Variants in PCDHGA1 observed in about 807,000 individuals in gnomAD.
The protein encoded by PCDHGA1 is protocadherin gamma-A1.
Under a neutral mutation model 58.0 loss-of-function variants are expected in PCDHGA1, and 32 were observed. That is an observed-to-expected ratio of 0.55 (90% CI 0.42 to 0.74). The LOEUF (loss-of-function observed/expected upper bound fraction) is 0.74. Among genes scored for constraint, PCDHGA1 ranks in the 30% least tolerant of loss-of-function variants. PCDHGA1 has a pLI of 0.00. For synonymous variants in PCDHGA1, 498 were observed against 501.1 expected (o/e 0.99, Z 0.08); for missense variants, 1,205 against 1,182.3 (o/e 1.02, Z -0.28).
At chr5:141,409,973 G>A in intron 1 of PCDHGA1, 1 of 1,613,380 alleles carries the variant, frequency 6.2e-7, no homozygotes, top group Non-Finnish European at 8.5e-7. Context: ...AGTGACTAAG[G>A]TGGTAGCGGT....
chr5:141,398,586 A>C, intron 1 of PCDHGA1: 1 of 1,614,054 alleles, frequency 6.2e-7, no homozygotes, highest in Admixed American at 1.7e-5. Flanking sequence ...CAAGATTTAT[A>C]CTAGAAGTAG....
rs776176122 is a variant in PCDHGA1, at chr5:141,408,982, T to C, written c.2421+75877T>C. 124 of 1,613,830 alleles carry C rather than the reference T, an allele frequency of 7.7e-5. 1 individual carries two copies. Among genetic ancestry groups the C allele is most frequent in the Admixed American group, 3.7e-4 (22 of 59,994 alleles). ...GTGAAAATCTGCCCCCTGGGTCCCC[T>C]GTGTTGCAAGTGACAGCCACTGACC... On this transcript the variant is annotated intron_variant, in intron 1 of 3. Transcript: ENST00000517417.
At chr5:141,333,237 G>C in intron 1 of PCDHGA1, 132 bp downstream of exon 1, 1 of 1,320,404 alleles carries the variant, frequency 7.6e-7, no homozygotes, top group Non-Finnish European at 1.0e-6. Flanking sequence ...TACAAGTCCT[G>C]CAAAATCACG....
chr5:141,479,939 A>G (rs763454741), intron 1 of PCDHGA1, among the ~76,000 whole-genome samples: 2 of 152,004 alleles, frequency 1.3e-5, no homozygotes, highest in Non-Finnish European at 2.9e-5. Flanking sequence ...ATTGCTATCA[A>G]CTCTTGGATT....
intron 1 of PCDHGA1, chr5:141,355,809 G>A: frequency 6.2e-7 from 1 of 1,613,206 alleles, no homozygotes; most frequent in South Asian, 1.1e-5. Flanking sequence ...TAGATCGCGA[G>A]GAAGAGGCGG....
Position 141,432,289 on chromosome 5 carries a change from C to T in PCDHGA1, c.2422-62518C>T, listed in dbSNP as rs762278053. ...CGTCCTACGTGTCCATCAACTCCGACACTGGGGTACTGTATGCGCTGAGCT... is the reference window on the plus strand; with the variant it reads ...CGTCCTACGTGTCCATCAACTCCGATACTGGGGTACTGTATGCGCTGAGCT... On this transcript the variant is annotated intron_variant, in intron 1 of 3. Coordinates refer to ENST00000517417, the MANE Select transcript of PCDHGA1 (RefSeq NM_018912.3). The surrounding 1 kb of genome is among the most constrained non-coding windows in gnomAD (Gnocchi z 6.0). The T allele has an allele frequency of 6.2e-7, 1 of 1,614,266 alleles. No homozygotes were observed. Among genetic ancestry groups the T allele is most frequent in the Admixed American group, 1.7e-5 (1 of 60,038 alleles).
rs909444391 is a variant in PCDHGA1 at position 141,450,834 on chromosome 5, T to A, written c.2422-43973T>A. On this transcript the variant is annotated intron_variant, in intron 1 of 3. Transcript: ENST00000517417. ...TATTTAATATTATTATTATTATTTT[T>A]TTTTTTTTGAGATGGGGTCTTGCTC... is the stretch of plus-strand genomic sequence containing the variant. 1.2e-3 allele frequency among the ~76,000 whole-genome samples: 172 copies of A among 148,764 alleles called. 3 individuals are homozygous for A. The highest frequency in any genetic ancestry group is 4.1e-3 in the African/African-American group (166 of 40,236).
At chr5:141,439,739 G>A (rs867225156) in intron 1 of PCDHGA1, 4 of 152,312 alleles carry the variant, frequency 2.6e-5, no homozygotes, top group Non-Finnish European at 5.9e-5. Flanking sequence ...GGAACGGAAC[G>A]GATTTACAGG....
chr5:141,415,783 A>G, intron 1 of PCDHGA1: 1 of 1,344,604 alleles, frequency 7.4e-7, no homozygotes, highest in Non-Finnish European at 9.5e-7. Context: ...ACTTTCTGGT[A>G]AAATTCACCT....
intron 1 of PCDHGA1, chr5:141,402,863 A>C: frequency 1.2e-5 from 17 of 1,429,924 alleles, no homozygotes; most frequent in Non-Finnish European, 1.6e-5. Flanking sequence ...TCTAAGGAAA[A>C]GATCACCATA....
intron 1 of PCDHGA1, chr5:141,341,381 G>C (rs762378023): frequency 1.2e-6 from 2 of 1,614,234 alleles, no homozygotes; most frequent in Non-Finnish European, 1.7e-6. Flanking sequence ...AGAAAGAGAA[G>C]AAACGTTTTC....
chr5:141,446,043 A>T (rs1374577548), intron 1 of PCDHGA1, among the ~76,000 whole-genome samples: 2 of 152,226 alleles, frequency 1.3e-5, no homozygotes, highest in Non-Finnish European at 2.9e-5. Flanking sequence ...AAATGGAAGA[A>T]GAGCTGGCTT....
intron 1 of PCDHGA1, chr5:141,418,598 T>G: frequency 6.2e-7 from 1 of 1,614,010 alleles, no homozygotes; most frequent in Non-Finnish European, 8.5e-7. Flanking sequence ...CCAGGACGTG[T>G]ACAGGGTTAG....
rs766387243 is a variant in PCDHGA1 at position 141,489,017 on chromosome 5, TCTC to T, written c.2422-5782_2422-5780del. The stretch of plus-strand genomic sequence containing the variant: ...GGGAGATCTGCTCTTCCAGCCCGCC[TCTC>T]CTCCTCCAGCTCCCCAGCTCCACTC... On this transcript the variant is annotated intron_variant, in intron 1 of 3. Transcript: ENST00000517417. This position sits in a 1 kb window ranked among gnomAD's most constrained non-coding sequence, Gnocchi z 4.5. 2 of 435,354 alleles carry T rather than the reference TCTC, an allele frequency of 4.6e-6. No individual in the cohort carries two copies. Among genetic ancestry groups the T allele is most frequent in the Non-Finnish European group, 8.1e-6 (2 of 247,876 alleles). The allele number at this position is 435,354 out of a possible 1,614,324, so 27.0% of individuals were successfully genotyped here. A position where few individuals can be genotyped will look rare whatever the true frequency, so the allele number is the denominator to read the frequency against.
At chr5:141,414,245 T>A in intron 1 of PCDHGA1, 2 of 1,613,498 alleles carry the variant, frequency 1.2e-6, no homozygotes, top group Non-Finnish European at 1.7e-6. Context: ...ACGTCTCTAT[T>A]TAGTCCAGTG....
At position 141,487,700 on chromosome 5, in the gene PCDHGA1, C is replaced by A; in HGVS notation, c.2422-7107C>A. On this transcript the variant is annotated intron_variant, in intron 1 of 3. Coordinates refer to ENST00000517417, the MANE Select transcript of PCDHGA1 (RefSeq NM_018912.3). This position sits in a 1 kb window ranked among gnomAD's most constrained non-coding sequence, Gnocchi z 5.0. ...AGGCCATGTCCTAGAGAGTACTGGCCTCTCAGTAAGTGCCCATAGTGATGT... is the reference window on the plus strand; with the variant it reads ...AGGCCATGTCCTAGAGAGTACTGGCATCTCAGTAAGTGCCCATAGTGATGT... The A allele has an allele frequency of 6.3e-7, 1 of 1,597,514 alleles. No homozygotes were observed. Among genetic ancestry groups the A allele is most frequent in the African/African-American group, 1.3e-5 (1 of 74,868 alleles).
rs779250544 is a variant in PCDHGA1, at chr5:141,432,639, G to A, written c.2422-62168G>A. The A allele has an allele frequency of 1.2e-6, 2 of 1,613,816 alleles. No homozygotes were observed. Among genetic ancestry groups the A allele is most frequent in the Non-Finnish European group, 1.7e-6 (2 of 1,179,934 alleles). On this transcript the variant is annotated intron_variant, in intron 1 of 3. Coordinates refer to ENST00000517417, the MANE Select transcript of PCDHGA1 (RefSeq NM_018912.3). This position sits in a 1 kb window ranked among gnomAD's most constrained non-coding sequence, Gnocchi z 6.0. Reference sequence around the variant, plus strand: ...GTGGGTCTGCACACGGGCGAGGTGCGCACGGCGCGAGCCCTGCTGGACAGA... The same window carrying A: ...GTGGGTCTGCACACGGGCGAGGTGCACACGGCGCGAGCCCTGCTGGACAGA...
rs377387694 is a variant in PCDHGA1 at position 141,366,375 on chromosome 5, T to C, written c.2421+33270T>C. 67 of 1,614,096 alleles carry C rather than the reference T, an allele frequency of 4.2e-5. No individual in the cohort carries two copies. Among genetic ancestry groups the C allele is most frequent in the East Asian group, 1.8e-4 (8 of 44,892 alleles). ...GACCTAGGCAGTATCAAGACCCCCA[T>C]TGACCCTGAGGATCTGGACCTCACA... On this transcript the variant is annotated intron_variant, in intron 1 of 3. Transcript: ENST00000517417.
At position 141,487,276 on chromosome 5, in the gene PCDHGA1, C is replaced by G; in HGVS notation, c.2422-7531C>G. On this transcript the variant is annotated intron_variant, in intron 1 of 3. Coordinates refer to ENST00000517417, the MANE Select transcript of PCDHGA1 (RefSeq NM_018912.3). The surrounding 1 kb of genome is among the most constrained non-coding windows in gnomAD (Gnocchi z 5.0). ...TGGCTGTGTCCCTAGTGGCAATTTG[C>G]TTTGTCTCCTTTGGCTCATTCGTGG... 1 of 1,614,158 alleles carries G rather than the reference C, an allele frequency of 6.2e-7. No homozygotes were observed. The highest frequency in any genetic ancestry group is 1.1e-5 in the South Asian group (1 of 91,082).
Sources: gnomAD v4.1 joint callset for allele counts (sites outside exome capture counted in the v4.1 genomes callset) on GRCh38, gnomAD v4.1.1 for gene constraint, Gnocchi (gnomAD v3.1) non-coding constraint, MANE v1.5 for transcripts, NCBI Gene and HGNC (gene_info 2026-07-23, HGNC 2026-07-21) for gene names.